MYO3B: variants seen among roughly 807,000 people sequenced by gnomAD.
MYO3B encodes the protein myosin-IIIb.
Under a neutral mutation model 174.6 loss-of-function variants are expected in MYO3B, and 156 were observed. The observed-to-expected ratio is 0.89, with a 90% confidence interval of 0.78 to 1.02. MYO3B has a LOEUF of 1.02. MYO3B is among the 50% of genes least tolerant of loss of function. MYO3B has a pLI of 0.00. For missense variants in MYO3B, 1,632 were observed against 1,639.4 expected (o/e 1.00, Z 0.08); for synonymous variants, 563 against 569.1 (o/e 0.99, Z 0.15).
At chr2:170,321,752 T>C (rs1294589362) in intron 7 of MYO3B, among the ~76,000 whole-genome samples, 1 of 152,198 alleles carries the variant, frequency 6.6e-6, no homozygotes, top group African/African-American at 2.4e-5. Context: ...TAAGATGCAG[T>C]ATCAGTGATA....
intron 32 of MYO3B, among the ~76,000 whole-genome samples, chr2:170,576,221 A>T (rs553960287): frequency 1.3e-5 from 2 of 152,316 alleles, no homozygotes; most frequent in South Asian, 4.1e-4. Flanking sequence ...CAGAGAGAAG[A>T]TGTGATTGTT....
At chr2:170,529,902 A>C (rs569152133) in intron 30 of MYO3B, among the ~76,000 whole-genome samples, 37 of 152,206 alleles carry the variant, frequency 2.4e-4, no homozygotes, top group Non-Finnish European at 3.7e-4. Flanking sequence ...CACTTTCTTC[A>C]CTGGGTTATA....
At chr2:170,365,830 A>G (rs1439263041) in intron 8 of MYO3B, among the ~76,000 whole-genome samples, 2 of 152,098 alleles carry the variant, frequency 1.3e-5, no homozygotes, top group Non-Finnish European at 2.9e-5. Context: ...ACTTGAGCAT[A>G]CCCTGAGGAT....
At chr2:170,287,666 C>G (rs1462418146) in intron 7 of MYO3B, among the ~76,000 whole-genome samples, 1 of 151,752 alleles carries the variant, frequency 6.6e-6, no homozygotes, top group Non-Finnish European at 1.5e-5. Flanking sequence ...CAAATATTTT[C>G]TCCTATTATG....
At chr2:170,488,214 C>T (rs1317100319) in intron 25 of MYO3B, among the ~76,000 whole-genome samples, 1 of 152,194 alleles carries the variant, frequency 6.6e-6, no homozygotes, top group East Asian at 1.9e-4. Flanking sequence ...TAAAGTCCAA[C>T]ATGAACATAT....
chr2:170,380,849 C>T (rs1174410518), intron 9 of MYO3B, among the ~76,000 whole-genome samples: 2 of 152,192 alleles, frequency 1.3e-5, no homozygotes, highest in Non-Finnish European at 2.9e-5. Context: ...GGTGCAGTGG[C>T]ATATGCCTGT....
chr2:170,516,168 T>C (rs1175744446), intron 29 of MYO3B, among the ~76,000 whole-genome samples: 1 of 152,166 alleles, frequency 6.6e-6, no homozygotes, highest in Non-Finnish European at 1.5e-5. Context: ...AAGTGGGGTG[T>C]GAATTCTCTG....
At chr2:170,317,312 C>T (rs116663085) in intron 7 of MYO3B, among the ~76,000 whole-genome samples, 5,374 of 152,022 alleles carry the variant, frequency 0.035, 128 homozygotes, top group Middle Eastern at 0.071. Flanking sequence ...AGTCTGTTTC[C>T]CAAATTCTAG....
intron 32 of MYO3B, among the ~76,000 whole-genome samples, chr2:170,625,849 C>T (rs924382623): frequency 9.9e-5 from 15 of 152,274 alleles, no homozygotes; most frequent in South Asian, 2.1e-4. Context: ...TCAGTTCCCA[C>T]GTAGTTGAGC....
At chr2:170,438,860 C>T (rs964107220) in intron 22 of MYO3B, among the ~76,000 whole-genome samples, 1 of 151,936 alleles carries the variant, frequency 6.6e-6, no homozygotes, top group Non-Finnish European at 1.5e-5. Context: ...GTCTCAAACT[C>T]CTGATTTGTG....
intron 7 of MYO3B, among the ~76,000 whole-genome samples, chr2:170,282,726 A>G (rs2093521791): frequency 6.6e-6 from 1 of 152,136 alleles, no homozygotes; most frequent in South Asian, 2.1e-4. Flanking sequence ...TAATGCTTCC[A>G]ATCCCCAGGC....
Position 170,543,928 on chromosome 2 carries a change from A to G in MYO3B, c.3673A>G (p.Ile1225Val), listed in dbSNP as rs1690297144. The change falls in exon 32 of 35, where the codon ATA (isoleucine) becomes GTA (valine). Residue 1225 changes from isoleucine (I) to valine (V), a missense_variant. Physicochemically the swap from Ile to Val is conservative, Grantham distance 29. Transcript: ENST00000408978. ...VSGTDLLSSR[I>V]CHPAPDQQGL... ...TGGGACTGATTTGCTGTCTTCTCGG[A>G]TATGCCATCCTGCTCCAGATCAGCA... 5 of 1,613,208 alleles carry G rather than the reference A, an allele frequency of 3.1e-6. No individual in the cohort carries two copies. Among genetic ancestry groups the G allele is most frequent in the African/African-American group, 1.3e-5 (1 of 74,890 alleles).
intron 28 of MYO3B, among the ~76,000 whole-genome samples, chr2:170,514,234 G>T (rs1183804785): frequency 6.6e-6 from 1 of 152,224 alleles, no homozygotes; most frequent in Non-Finnish European, 1.5e-5. Context: ...TGACCTTGAG[G>T]TCATGGAGAA....
chr2:170,435,469 A>G (rs1044061371), intron 22 of MYO3B, among the ~76,000 whole-genome samples: 4 of 152,204 alleles, frequency 2.6e-5, no homozygotes, highest in Admixed American at 2.0e-4. Context: ...AGACTCCTGA[A>G]AAAAGAAAGT....
Position 170,444,667 on chromosome 2 carries a change from G to A in MYO3B, c.2730+621G>A, listed in dbSNP as rs77739602. Among the ~76,000 whole-genome samples, 65 of 152,234 alleles carry A rather than the reference G, an allele frequency of 4.3e-4. 3 individuals carry two copies. In the East Asian group the frequency reaches 8.3e-3, roughly 19 times the overall value. Reference sequence around the variant, plus strand: ...TAAAGAATAAACAATTTGGCCACACGTTAATACTGTTGAATAGTATTCCAA... The same window carrying A: ...TAAAGAATAAACAATTTGGCCACACATTAATACTGTTGAATAGTATTCCAA... On this transcript the variant is annotated intron_variant, in intron 23 of 34. Transcript: ENST00000408978.
intron 32 of MYO3B, among the ~76,000 whole-genome samples, chr2:170,575,316 AT>A (rs1692720301): frequency 6.6e-6 from 1 of 152,030 alleles, no homozygotes; most frequent in South Asian, 2.1e-4. Context: ...ATATGTTTAT[AT>A]TTTTTTCCTC....
intron 31 of MYO3B, among the ~76,000 whole-genome samples, chr2:170,543,286 C>T (rs1032804914): frequency 6.6e-6 from 1 of 152,078 alleles, no homozygotes; most frequent in Non-Finnish European, 1.5e-5. Flanking sequence ...AGTAAGGACC[C>T]GAGGTTCTTT....
At chr2:170,595,800 C>G (rs941466743) in intron 32 of MYO3B, among the ~76,000 whole-genome samples, 1 of 152,156 alleles carries the variant, frequency 6.6e-6, no homozygotes, top group Non-Finnish European at 1.5e-5. Context: ...AGCATGCCAT[C>G]TGTGCCTTCG....
chr2:170,369,330 C>G lies in MYO3B; in HGVS notation c.924C>G (p.Ala308=). The change falls in exon 9 of 35, where the codon GCC becomes GCG. Residue 308 remains alanine (A), a synonymous_variant. Transcript: ENST00000408978. ...TTCTGTTTCTGCAAAAACAGCTGGCCAAGGTTCTCCAAGACCAGAAGCATC... is the reference window on the plus strand; with the variant it reads ...TTCTGTTTCTGCAAAAACAGCTGGCGAAGGTTCTCCAAGACCAGAAGCATC... ...GKVLFLQKQL[A]KVLQDQKHQN... is the part of the protein sequence containing the mutation. 6.2e-7 allele frequency: 1 copy of G among 1,613,592 alleles called. No individual in the cohort carries two copies. Among genetic ancestry groups the G allele is most frequent in the Non-Finnish European group, 8.5e-7 (1 of 1,179,678 alleles).
Sources: allele counts gnomAD v4.1 joint callset (sites outside exome capture counted in the v4.1 genomes callset), GRCh38; gene constraint gnomAD v4.1.1; transcripts MANE v1.5; gene names NCBI Gene and HGNC (gene_info 2026-07-23, HGNC 2026-07-21).